WDR7: variants seen among roughly 807,000 people sequenced by gnomAD.
WDR7 encodes the protein WD repeat domain 7.
WDR7 carries 46 observed loss-of-function variants against 169.4 expected under a neutral mutation model. The observed-to-expected ratio is 0.27, with a 90% CI of 0.21 to 0.35. The LOEUF is 0.35. Among genes scored for constraint, WDR7 ranks in the 10% least tolerant of loss-of-function variants. The pLI is 1.00. For missense variants in WDR7, 1,534 were observed against 1,859.3 expected, an observed-to-expected ratio of 0.83 and a Z score of 3.22; for synonymous variants, 612 against 666.8, an observed-to-expected ratio of 0.92 and a Z score of 1.27.
rs534538742 is a variant in WDR7, at chr18:56,733,153, A to G, written c.1989+1556A>G. 2.6e-5 allele frequency among the ~76,000 whole-genome samples: 4 copies of G among 152,322 alleles called. No homozygotes were observed. The East Asian group carries it at 5.8e-4, about 22-fold the overall frequency. On this transcript the variant is annotated intron_variant, in intron 14 of 27. Coordinates refer to ENST00000254442, the MANE Select transcript of WDR7 (RefSeq NM_015285.3). The stretch of plus-strand genomic sequence containing the variant: ...AGACACTACACTTATGTATTGTAAA[A>G]TATATTGCTTGTGAACCTCCTTAGT...
At position 56,756,762 on chromosome 18, in the gene WDR7, A is replaced by T; in HGVS notation, c.2169A>T (p.Ala723=). The T allele has an allele frequency of 6.2e-7, 1 of 1,614,200 alleles. No homozygotes were observed. The highest frequency in any genetic ancestry group is 8.5e-7 in the Non-Finnish European group (1 of 1,180,024). The part of the protein sequence containing the change: ...ALISPENLQK[A]SGSSDKGGSF... ...TTTCCCCAGAGAATTTGCAAAAAGC[A>T]TCTGGCAGTTCAGACAAAGGGGGCT... The change falls in exon 15 of 28, where the codon GCA becomes GCT. Residue 723 remains alanine, a synonymous_variant. Transcript: ENST00000254442.
intron 13 of WDR7, among the ~76,000 whole-genome samples, chr18:56,722,435 A>G (rs1371720060): frequency 2.6e-5 from 4 of 152,154 alleles, no homozygotes; most frequent in Non-Finnish European, 5.9e-5. Context: ...TGGAAATTAG[A>G]TCTTACATTT....
intron 13 of WDR7, 89 bp from the exon 14 acceptor site, chr18:56,731,294 T>TA (rs1486163879): frequency 6.2e-6 from 9 of 1,444,792 alleles, no homozygotes; most frequent in Non-Finnish European, 8.3e-6. Context: ...TGTTTCTACT[T>TA]AAAAAATTTT....
intron 20 of WDR7, among the ~76,000 whole-genome samples, chr18:56,857,672 G>A (rs1194855536): frequency 6.6e-6 from 1 of 152,064 alleles, no homozygotes; most frequent in Non-Finnish European, 1.5e-5. Context: ...GTGCATGTGT[G>A]TACATGCTCA....
At chr18:56,740,428 G>A (rs923218083) in intron 14 of WDR7, among the ~76,000 whole-genome samples, 1 of 151,912 alleles carries the variant, frequency 6.6e-6, no homozygotes, top group Non-Finnish European at 1.5e-5. Context: ...TCAGTTATAT[G>A]CTGTAATCTC....
At chr18:56,880,469 T>C (rs1311185351) in intron 21 of WDR7, among the ~76,000 whole-genome samples, 1 of 152,250 alleles carries the variant, frequency 6.6e-6, no homozygotes, top group Non-Finnish European at 1.5e-5. Context: ...GTTAAAGCTT[T>C]TAAAATAATT....
chr18:56,701,603 T>C (rs960608491), intron 12 of WDR7, among the ~76,000 whole-genome samples: 10 of 152,218 alleles, frequency 6.6e-5, no homozygotes, highest in Admixed American at 6.5e-4. Context: ...TATGTTGTTA[T>C]TAAATTATAT....
chr18:56,869,866 AC>A (rs2045929851), intron 20 of WDR7, among the ~76,000 whole-genome samples: 1 of 152,204 alleles, frequency 6.6e-6, no homozygotes, highest in Non-Finnish European at 1.5e-5. Flanking sequence ...AGTTATGCCA[AC>A]AAATGAAAAT....
intron 2 of WDR7, among the ~76,000 whole-genome samples, chr18:56,674,661 T>TAA (rs1476451778): frequency 1.4e-5 from 2 of 140,882 alleles, no homozygotes; most frequent in Admixed American, 1.5e-4. Context: ...AAGCACAAAA[T>TAA]ATTTTAAGTT....
intron 21 of WDR7, among the ~76,000 whole-genome samples, chr18:56,897,733 A>G (rs891528599): frequency 1.3e-5 from 2 of 152,022 alleles, no homozygotes; most frequent in Non-Finnish European, 1.5e-5. Context: ...AGTAAATATT[A>G]TGATTCAAGT....
rs1214352402 is a variant in WDR7 at position 56,757,158 on chromosome 18, T to C, written c.2565T>C (p.Ala855=). 2.5e-6 allele frequency: 4 copies of C among 1,614,004 alleles called. No homozygotes were observed. In the African/African-American group the frequency reaches 4.0e-5, roughly 16 times the overall value. ...TGCTGCCGGGTTATAATCAGCCTGC[T>C]TGTAAACTGTCACATGGGAAAACAG... ...SLMLPGYNQP[A]CKLSHGKTEV... is the part of the protein sequence containing the mutation. Residue 855 remains alanine, a synonymous_variant, in exon 15 of 28, where the codon GCT becomes GCC. Coordinates refer to ENST00000254442, the MANE Select transcript of WDR7 (RefSeq NM_015285.3).
chr18:56,939,152 G>C (rs1383736596), intron 24 of WDR7, among the ~76,000 whole-genome samples, 159 bp from the exon 25 acceptor site: 1 of 152,134 alleles, frequency 6.6e-6, no homozygotes, highest in East Asian at 1.9e-4. Flanking sequence ...AGGATAGACT[G>C]TAGTATACAC....
chr18:56,735,066 G>T (rs532170367), intron 14 of WDR7, among the ~76,000 whole-genome samples: 89 of 152,232 alleles, frequency 5.8e-4, no homozygotes, highest in African/African-American at 2.0e-3. Context: ...GATTGCTTAA[G>T]AAATATTTTG....
chr18:56,830,756 G>A (rs2045294581), intron 20 of WDR7, among the ~76,000 whole-genome samples: 1 of 152,178 alleles, frequency 6.6e-6, no homozygotes, highest in Non-Finnish European at 1.5e-5. Flanking sequence ...GCCCAGGCTG[G>A]AGTGCAGTGG....
intron 22 of WDR7, among the ~76,000 whole-genome samples, chr18:56,929,683 T>G (rs927717897): frequency 6.6e-6 from 1 of 152,188 alleles, no homozygotes; most frequent in South Asian, 2.1e-4. Context: ...TAAAATCTTA[T>G]GTGAGGAAAT....
chr18:56,956,688 C>G (rs1249977688), intron 25 of WDR7, among the ~76,000 whole-genome samples: 1 of 152,082 alleles, frequency 6.6e-6, no homozygotes, highest in Non-Finnish European at 1.5e-5. Flanking sequence ...TCAAATCTTT[C>G]CTGTGGTTTA....
chr18:56,826,815 C>T (rs1412305200), intron 20 of WDR7, among the ~76,000 whole-genome samples: 2 of 152,000 alleles, frequency 1.3e-5, no homozygotes, highest in Non-Finnish European at 2.9e-5. Flanking sequence ...TGGTTAGTAC[C>T]ACTGAAAAGG....
At chr18:56,803,042 G>A (rs2044705525) in intron 19 of WDR7, among the ~76,000 whole-genome samples, 1 of 151,712 alleles carries the variant, frequency 6.6e-6, no homozygotes, top group Non-Finnish European at 1.5e-5. Context: ...CTTACTGTCT[G>A]TACTTAATGT....
chr18:57,005,033 A>T (rs1449839936), intron 26 of WDR7, among the ~76,000 whole-genome samples: 1 of 152,188 alleles, frequency 6.6e-6, no homozygotes, highest in Non-Finnish European at 1.5e-5. Context: ...CCTTTGGCAA[A>T]GCAGTTATAA....
Sources: gnomAD v4.1 joint callset for allele counts (sites outside exome capture counted in the v4.1 genomes callset) on GRCh38, gnomAD v4.1.1 for gene constraint, MANE v1.5 for transcripts, NCBI Gene and HGNC (gene_info 2026-07-23, HGNC 2026-07-21) for gene names.